ASIC5: variants seen among roughly 807,000 people sequenced by gnomAD.
ASIC5 encodes bile acid-sensitive ion channel.
In ASIC5, 52 loss-of-function variants were observed where a neutral mutation model predicts 51.2. The ratio of observed to expected loss-of-function variants is 1.02; its 90% CI spans 0.81 to 1.28. The LOEUF (loss-of-function observed/expected upper bound fraction) is 1.28, where lower values mean the gene tolerates loss of function less well. Among genes scored for constraint, ASIC5 ranks in the 50% most tolerant of loss-of-function variants. The probability of loss-of-function intolerance (pLI) is 0.00; values close to 1 mark genes in which losing one functional copy is unlikely to be tolerated. For missense variants in ASIC5, 635 were observed against 595.0 expected (o/e 1.07, Z -0.70); for synonymous variants, 231 against 200.7 (o/e 1.15, Z -1.28).
intron 6 of ASIC5, among the ~76,000 whole-genome samples, chr4:155,841,341 G>GA (rs1741115264): frequency 6.6e-6 from 1 of 151,894 alleles, no homozygotes; most frequent in Non-Finnish European, 1.5e-5. Context: ...TCTGTGCCAG[G>GA]CACTATTTGA....
At position 155,853,718 on chromosome 4, in the gene ASIC5, G is replaced by A. The variant is rs147516605; in HGVS notation, c.585+359C>T. On this transcript the variant is annotated intron_variant, in intron 3 of 9. Coordinates refer to ENST00000537611, the MANE Select transcript of ASIC5 (RefSeq NM_017419.3). ...GCAATACCATAAGCATATATGCAGA[G>A]TGATGGATATTTGGTGATTATAAAA... Among the ~76,000 whole-genome samples, 219 of 151,390 alleles carry A rather than the reference G, an allele frequency of 1.4e-3. 5 individuals are homozygous for A. The East Asian group carries it at 0.04, about 28-fold the overall frequency.
At position 155,866,188 on chromosome 4, in the gene ASIC5, G is replaced by A. The variant is rs6848883; in HGVS notation, c.39C>T (p.Asn13=). The change falls in exon 1 of 10, where the codon AAC becomes AAT. Residue 13 remains asparagine, a splice_region_variant and synonymous_variant. Transcript: ENST00000537611. Reference sequence around the variant, plus strand: ...CTGAGGAGTTCACTCTTTACTCACCGTTCTCAGCATATACTTTTGATTTTT... The same window carrying A: ...CTGAGGAGTTCACTCTTTACTCACCATTCTCAGCATATACTTTTGATTTTT... ...QTEKSKVYAE[N]GLLEKIKLCL... is the part of the protein sequence containing the mutation. 1,487,269 of 1,601,580 alleles carry A rather than the reference G, an allele frequency of 0.93. 694,886 individuals carry two copies. Among genetic ancestry groups the A allele is most frequent in the East Asian group, 0.95 (42,552 of 44,682 alleles).
intron 3 of ASIC5, 85 bp downstream of exon 3, chr4:155,853,992 G>A: frequency 9.8e-7 from 1 of 1,020,852 alleles, no homozygotes; most frequent in Non-Finnish European, 1.5e-6. Flanking sequence ...CACCATGGGA[G>A]TAAATGCCGT....
At chr4:155,844,901 C>G (rs1741204332) in intron 4 of ASIC5, among the ~76,000 whole-genome samples, 1 of 151,986 alleles carries the variant, frequency 6.6e-6, no homozygotes, top group Non-Finnish European at 1.5e-5. Flanking sequence ...GCATCTTGAG[C>G]ACCTAACACA....
At chr4:155,845,623 G>A (rs973782180) in intron 4 of ASIC5, among the ~76,000 whole-genome samples, 6 of 152,000 alleles carry the variant, frequency 3.9e-5, no homozygotes, top group Non-Finnish European at 7.4e-5. Flanking sequence ...AGGATTCAAT[G>A]TGAGCTCTGC....
At chr4:155,854,446 G>T in intron 2 of ASIC5, 132 bp from the exon 3 acceptor site, 1 of 691,206 alleles carries the variant, frequency 1.4e-6, no homozygotes, top group Non-Finnish European at 2.4e-6. Flanking sequence ...AGACATTTAA[G>T]CAAAATTTGA....
At chr4:155,853,264 T>C (rs1741427302) in intron 3 of ASIC5, among the ~76,000 whole-genome samples, 1 of 152,002 alleles carries the variant, frequency 6.6e-6, no homozygotes, top group Non-Finnish European at 1.5e-5. Context: ...GTGAAATGTC[T>C]CTCAGGCATT....
chr4:155,864,286 G>A (rs1383009926), intron 1 of ASIC5, among the ~76,000 whole-genome samples: 1 of 152,040 alleles, frequency 6.6e-6, no homozygotes, highest in Non-Finnish European at 1.5e-5. Flanking sequence ...TTTGTTGGTT[G>A]TTTAGTCAGA....
intron 2 of ASIC5, among the ~76,000 whole-genome samples, chr4:155,857,657 G>A (rs1030639005): frequency 4.6e-5 from 7 of 151,976 alleles, no homozygotes; most frequent in Non-Finnish European, 7.4e-5. Flanking sequence ...CAAGTTATAT[G>A]ACCCAAATGA....
intron 4 of ASIC5, among the ~76,000 whole-genome samples, chr4:155,848,377 T>C (rs1741304077): frequency 6.6e-6 from 1 of 152,118 alleles, no homozygotes; most frequent in Non-Finnish European, 1.5e-5. Flanking sequence ...GCTTACTTGG[T>C]ATAAAATTAT....
chr4:155,866,218 C>G lies in ASIC5; in HGVS notation c.9G>C (p.Gln3His), dbSNP rs761872496. 1.9e-6 allele frequency: 3 copies of G among 1,608,356 alleles called. No homozygotes were observed. The highest frequency in any genetic ancestry group is 4.5e-5 in the East Asian group (2 of 44,718). The change falls in exon 1 of 10, where the codon CAG becomes CAC. Residue 3 changes from glutamine (Q) to histidine (H), a missense_variant. Gln to His is a conservative substitution (Grantham distance 24). Transcript: ENST00000537611. ...CAGCATATACTTTTGATTTTTCTGT[C>G]TGCTCCATTTGTGATTTCAGTTAAG... ME[Q>H]TEKSKVYAEN...
chr4:155,865,289 A>G (rs915743503), intron 1 of ASIC5, among the ~76,000 whole-genome samples: 9 of 152,264 alleles, frequency 5.9e-5, no homozygotes, highest in Non-Finnish European at 1.0e-4. Context: ...ATGAACATGT[A>G]TCAAGTAACT....
intron 8 of ASIC5, among the ~76,000 whole-genome samples, chr4:155,835,238 A>G (rs190248828): frequency 6.6e-6 from 1 of 152,084 alleles, no homozygotes; most frequent in African/African-American, 2.4e-5. Context: ...AATGCTAGAC[A>G]CTACCATGGG....
intron 6 of ASIC5, among the ~76,000 whole-genome samples, chr4:155,839,339 C>G (rs1031201712): frequency 3.3e-5 from 3 of 90,634 alleles, no homozygotes; most frequent in Admixed American, 1.5e-4. Context: ...CCTGCTCCCT[C>G]TATCCATTTA....
At chr4:155,838,790 A>C (rs200489506) in intron 7 of ASIC5, 23 bp downstream of exon 7, 88 of 1,487,576 alleles carry the variant, frequency 5.9e-5, no homozygotes, top group Non-Finnish European at 7.8e-5. Flanking sequence ...AATCCTGAAA[A>C]TAAAAGTAAA....
Position 155,829,899 on chromosome 4 carries a change from G to A in ASIC5, c.1475C>T (p.Pro492Leu), listed in dbSNP as rs1740835422. The A allele has an allele frequency of 6.2e-7, 1 of 1,601,936 alleles. No homozygotes were observed. Among genetic ancestry groups the A allele is most frequent in the Non-Finnish European group, 8.5e-7 (1 of 1,175,472 alleles). Residue 492 changes from proline (P) to leucine (L), a missense_variant, in exon 10 of 10, where the codon CCT (proline) becomes CTT (leucine). Coordinates refer to ENST00000537611, the MANE Select transcript of ASIC5 (RefSeq NM_017419.3). ...ISEMTQWTPP[P>L]QNHLGNKNRI... Reference sequence around the variant, plus strand: ...ATTTTTATTTCCCAGATGATTCTGAGGTGGAGGAGTCCACTGGGTCATTTC... The same window carrying A: ...ATTTTTATTTCCCAGATGATTCTGAAGTGGAGGAGTCCACTGGGTCATTTC...
At chr4:155,853,633 T>C (rs1370549273) in intron 3 of ASIC5, among the ~76,000 whole-genome samples, 2 of 145,556 alleles carry the variant, frequency 1.4e-5, no homozygotes, top group East Asian at 4.0e-4. Flanking sequence ...TATATAATAA[T>C]AATATATAAA....
chr4:155,833,654 C>T (rs541607206), intron 8 of ASIC5, among the ~76,000 whole-genome samples: 1 of 152,264 alleles, frequency 6.6e-6, no homozygotes, highest in Non-Finnish European at 1.5e-5. Flanking sequence ...CATTGTGCTC[C>T]TAATTTGCAT....
intron 9 of ASIC5, 79 bp downstream of exon 9, chr4:155,831,745 G>A: frequency 2.1e-6 from 2 of 953,626 alleles, no homozygotes; most frequent in South Asian, 3.0e-5. Flanking sequence ...CTGCACTCCA[G>A]CCTGGGCTAC....
Sources: allele counts gnomAD v4.1 joint callset (sites outside exome capture counted in the v4.1 genomes callset), GRCh38; gene constraint gnomAD v4.1.1; transcripts MANE v1.5; gene names NCBI Gene and HGNC (gene_info 2026-07-23, HGNC 2026-07-21).